LZTR1: variants seen among roughly 807,000 people sequenced by gnomAD.
The protein encoded by LZTR1 is leucine zipper like post translational regulator 1.
A neutral mutation model predicts 105.7 loss-of-function variants in LZTR1; 260 were observed. That is an observed-to-expected ratio of 2.46 (90% CI 2.22 to 2.72). The LOEUF is 2.72. Ranked by LOEUF, LZTR1 falls within the 30% of genes most tolerant of loss-of-function variation. The pLI is 0.00. For missense variants in LZTR1, 1,214 were observed against 1,166.9 expected (o/e 1.04, Z -0.59); for synonymous variants, 490 against 476.4 (o/e 1.03, Z -0.37).
intron 5 of LZTR1, 36 bp from the exon 6 acceptor site, chr22:20,988,753 C>T (rs1042219024): frequency 5.2e-6 from 8 of 1,526,088 alleles, no homozygotes; most frequent in African/African-American, 4.1e-5. Context: ...CTGTGCTGGG[C>T]GGCCTCACTC....
chr22:20,997,285 CAT>C lies in LZTR1; in HGVS notation c.2462_2463del (p.Ile821ArgfsTer29), dbSNP rs770771182. On this transcript the variant is annotated frameshift_variant, in exon 21 of 21. Coordinates refer to ENST00000646124, the MANE Select transcript of LZTR1 (RefSeq NM_006767.4). LOFTEE classifies it high-confidence loss of function. ...TGAGCCAGCAGCTGCTGCTGGACAT[CAT>C]AGACTCCCTGGCCTCCCACATCTCA... ...SLSQQLLLDIIDSLASHISDK... is the reference protein window; with the variant it reads ...SLSQQLLLDIXDSLASHISDK... 7 of 1,613,898 alleles carry C rather than the reference CAT, an allele frequency of 4.3e-6. No homozygotes were observed. Among genetic ancestry groups the C allele is most frequent in the South Asian group, 1.1e-5 (1 of 91,078 alleles).
At chr22:20,992,402 A>G (rs754532786) in intron 10 of LZTR1, 33 bp downstream of exon 10, 29 of 1,587,268 alleles carry the variant, frequency 1.8e-5, no homozygotes, top group Middle Eastern at 1.7e-4. Flanking sequence ...AGACTCCATC[A>G]CCCCCTGAAA....
intron 9 of LZTR1, 65 bp downstream of exon 9, chr22:20,991,894 C>T: frequency 7.0e-7 from 1 of 1,430,568 alleles, no homozygotes; most frequent in East Asian, 2.5e-5. Flanking sequence ...CCTGCTCCCA[C>T]CCAGCTCCTC....
At chr22:20,994,846 C>A in intron 15 of LZTR1, 24 bp from the exon 16 acceptor site, 2 of 1,611,972 alleles carry the variant, frequency 1.2e-6, no homozygotes, top group South Asian at 2.2e-5. Context: ...ACTCTGCCTG[C>A]CTGCCTGTGC....
In LZTR1 at chr22:20,982,352, C is replaced by G. The variant is rs1228702522; in HGVS notation, c.-20C>G. 4.6e-6 allele frequency: 7 copies of G among 1,537,048 alleles called. No individual in the cohort carries two copies. Among genetic ancestry groups the G allele is most frequent in the Non-Finnish European group, 6.1e-6 (7 of 1,138,952 alleles). On this transcript the variant is annotated 5_prime_UTR_variant, in exon 1 of 21. Transcript: ENST00000646124. Reference sequence around the variant, plus strand: ...CCGCAAGTTGGGCTTACAGCGCGGCCGATCCGGCGTGGACCCGGGATGGCT... The same window carrying G: ...CCGCAAGTTGGGCTTACAGCGCGGCGGATCCGGCGTGGACCCGGGATGGCT...
In LZTR1 at chr22:20,991,627, G is replaced by A. The variant is rs761185148; in HGVS notation, c.792-1G>A. The A allele has an allele frequency of 6.3e-7, 1 of 1,584,134 alleles. No individual in the cohort carries two copies. The highest frequency in any genetic ancestry group is 8.5e-7 in the Non-Finnish European group (1 of 1,170,568). Reference sequence around the variant, plus strand: ...ATTGATTCACTGTTGTGTACCCCCAGGTGGACACGCATCCCAACTGAACAC... The same window carrying A: ...ATTGATTCACTGTTGTGTACCCCCAAGTGGACACGCATCCCAACTGAACAC... On this transcript the variant is annotated splice_acceptor_variant, in intron 8 of 20. Transcript: ENST00000646124. LOFTEE classifies it high-confidence loss of function.
rs372417941 is a variant in LZTR1 at position 20,994,642 on chromosome 22, G to C, written c.1700G>C (p.Arg567Pro). 1.4e-5 allele frequency: 23 copies of C among 1,612,716 alleles called. No homozygotes were observed. Among genetic ancestry groups the C allele is most frequent in the Non-Finnish European group, 1.8e-5 (21 of 1,179,828 alleles). Residue 567 changes from arginine (R) to proline (P), a missense_variant, in exon 15 of 21, where the codon CGC (arginine) becomes CCC (proline). By Grantham distance (103) the Arg-to-Pro change is moderately radical. Coordinates refer to ENST00000646124, the MANE Select transcript of LZTR1 (RefSeq NM_006767.4). ...TTGTGCCGCCTGGAGCAGCTGTGCC[G>C]CCAGTACATCGAGGCCTCCGTGGAC... is the stretch of plus-strand genomic sequence containing the variant. ...FQLCRLEQLC[R>P]QYIEASVDLQ...
intron 16 of LZTR1, 105 bp downstream of exon 16, chr22:20,995,131 G>A: frequency 7.5e-7 from 1 of 1,341,392 alleles, no homozygotes; most frequent in African/African-American, 1.4e-5. Flanking sequence ...TCGGGGTGGG[G>A]GTGGGTGCCA....
chr22:20,987,395 A>AG, intron 3 of LZTR1, 109 bp from the exon 4 acceptor site: 1 of 646,734 alleles, frequency 1.5e-6, no homozygotes, highest in East Asian at 2.7e-5. Context: ...TCTCAAAAAA[A>AG]AAAAAAAAGA....
chr22:20,996,247 G>A (rs1376297497), intron 18 of LZTR1, 135 bp downstream of exon 18: 7 of 997,274 alleles, frequency 7.0e-6, no homozygotes, highest in Non-Finnish European at 8.8e-6. Flanking sequence ...GGGTTTGCTG[G>A]TGCCTGGGGC....
At chr22:20,995,179 A>G in intron 16 of LZTR1, 153 bp downstream of exon 16, 2 of 847,994 alleles carry the variant, frequency 2.4e-6, no homozygotes, top group East Asian at 2.6e-5. Context: ...CAGGGAGGAA[A>G]CAGATGAAGG....
At position 20,982,330 on chromosome 22, in the gene LZTR1, C is replaced by A; in HGVS notation, c.-42C>A. 3 of 1,476,700 alleles carry A rather than the reference C, an allele frequency of 2.0e-6. No homozygotes were observed. The highest frequency in any genetic ancestry group is 2.7e-6 in the Non-Finnish European group (3 of 1,097,566). The allele number at this position is 1,476,700 out of a possible 1,614,324, so 91.5% of individuals were successfully genotyped here. A position where few individuals can be genotyped will look rare whatever the true frequency, so the allele number is the denominator to read the frequency against. On this transcript the variant is annotated 5_prime_UTR_variant, in exon 1 of 21. Coordinates refer to ENST00000646124, the MANE Select transcript of LZTR1 (RefSeq NM_006767.4). ...TCCAGCCGGCCCGGGGCGGTGGCCG[C>A]AAGTTGGGCTTACAGCGCGGCCGAT...
chr22:20,990,641 C>A, intron 8 of LZTR1, 116 bp downstream of exon 8: 1 of 1,108,010 alleles, frequency 9.0e-7, no homozygotes, highest in Non-Finnish European at 1.3e-6. Flanking sequence ...GTGAGCTCTG[C>A]AAACAGCAGG....
chr22:20,996,393 G>A (rs1356320984), intron 18 of LZTR1: 1 of 594,132 alleles, frequency 1.7e-6, no homozygotes, highest in African/African-American at 1.9e-5. Context: ...GTTGAGCACA[G>A]ACATGGAGGT....
Position 20,993,905 on chromosome 22 carries a change from T to G in LZTR1, c.1354-19T>G, listed in dbSNP as rs376603441. On this transcript the variant is annotated intron_variant, in intron 12 of 20. Transcript: ENST00000646124. ...GCGAGGGTCCTGTGCCCTCTGCCAGTGCATCATTCTTTGTGCAGAAGGAGG... is the reference window on the plus strand; with the variant it reads ...GCGAGGGTCCTGTGCCCTCTGCCAGGGCATCATTCTTTGTGCAGAAGGAGG... The G allele has an allele frequency of 3.1e-6, 5 of 1,607,296 alleles. No individual in the cohort carries two copies.
rs1327579827 is a variant in LZTR1 at position 20,995,995 on chromosome 22, C to G, written c.2102C>G (p.Pro701Arg). 1 of 1,613,764 alleles carries G rather than the reference C, an allele frequency of 6.2e-7. No homozygotes were observed. Among genetic ancestry groups the G allele is most frequent in the Non-Finnish European group, 8.5e-7 (1 of 1,180,028 alleles). ...GAAGCCATGTTCCGGTCCTTCATGC[C>G]CGAAGATGGGCAGGTGAACATCTCC... ...YFEAMFRSFM[P>R]EDGQVNISIG... The change falls in exon 18 of 21, where the codon CCC becomes CGC. Residue 701 changes from proline to arginine, a missense_variant. Physicochemically the swap from Pro to Arg is moderately radical, Grantham distance 103. Coordinates refer to ENST00000646124, the MANE Select transcript of LZTR1 (RefSeq NM_006767.4).
At chr22:20,992,017 C>T (rs1924624691) in intron 9 of LZTR1, among the ~76,000 whole-genome samples, 188 bp downstream of exon 9, 1 of 152,240 alleles carries the variant, frequency 6.6e-6, no homozygotes. Flanking sequence ...CACCCCACAG[C>T]CTGCAGGTAG....
In LZTR1 at chr22:20,996,118, C is replaced by G; in HGVS notation, c.2219+6C>G. The G allele has an allele frequency of 6.2e-7, 1 of 1,611,228 alleles. No homozygotes were observed. The highest frequency in any genetic ancestry group is 8.5e-7 in the Non-Finnish European group (1 of 1,179,610). Reference sequence around the variant, plus strand: ...ATGCCGCCCGAGGACTCGCTGCATCCTCACTCCCCAGTGAACTCCCAGGTC... The same window carrying G: ...ATGCCGCCCGAGGACTCGCTGCATCGTCACTCCCCAGTGAACTCCCAGGTC... On this transcript the variant is annotated splice_donor_region_variant and intron_variant, in intron 18 of 20. Transcript: ENST00000646124.
At position 20,998,153 on chromosome 22, in the gene LZTR1, G is replaced by A. The variant is rs1284854998; in HGVS notation, c.*805G>A. ...CTTGCTGGCCCGGCCACCACTGCTG[G>A]CTTCAGCCCCTTGAGCAGCCCATGG... is the stretch of plus-strand genomic sequence containing the variant. On this transcript the variant is annotated 3_prime_UTR_variant, in exon 21 of 21. Transcript: ENST00000646124. 6.6e-6 allele frequency: 1 copy of A among 152,466 alleles called. No individual in the cohort carries two copies. The highest frequency in any genetic ancestry group is 1.5e-5 in the Non-Finnish European group (1 of 68,250). The allele number at this position is 152,466 out of a possible 1,614,324, so 9.4% of individuals were successfully genotyped here.
Sources: allele counts gnomAD v4.1 joint callset (sites outside exome capture counted in the v4.1 genomes callset), GRCh38; gene constraint gnomAD v4.1.1; transcripts MANE v1.5; gene names NCBI Gene and HGNC (gene_info 2026-07-23, HGNC 2026-07-21).